SEC14L5: variants seen among roughly 807,000 people sequenced by gnomAD.
The protein encoded by SEC14L5 is SEC14 like lipid binding 5, also known as SEC14-like protein 5.
SEC14L5 carries 96 observed loss-of-function variants against 84.6 expected under a neutral mutation model. That is an observed-to-expected ratio of 1.13 (90% CI 0.96 to 1.34). The LOEUF is 1.34. Ranked by LOEUF, SEC14L5 falls within the 40% of genes most tolerant of loss-of-function variation. The probability of loss-of-function intolerance (pLI) is 0.00; values close to 1 mark genes in which losing one functional copy is unlikely to be tolerated. For missense variants in SEC14L5, 1,224 were observed against 942.5 expected (o/e 1.30, Z -3.91); for synonymous variants, 546 against 383.4 (o/e 1.42, Z -4.95).
intron 14 of SEC14L5, among the ~76,000 whole-genome samples, chr16:5,009,154 A>G (rs1392644633): frequency 6.6e-6 from 1 of 152,128 alleles, no homozygotes; most frequent in Non-Finnish European, 1.5e-5. Context: ...AACTCCTGGC[A>G]ATCCTGGGTG....
At chr16:4,991,593 C>A (rs1204672855) in intron 5 of SEC14L5, among the ~76,000 whole-genome samples, 1 of 151,892 alleles carries the variant, frequency 6.6e-6, no homozygotes. Flanking sequence ...ACAAAAACAA[C>A]CCCCAACCCA....
intron 15 of SEC14L5, among the ~76,000 whole-genome samples, chr16:5,012,604 G>C (rs1955818309): frequency 6.6e-6 from 1 of 152,198 alleles, no homozygotes; most frequent in African/African-American, 2.4e-5. Context: ...TTTCCACACT[G>C]TGAGAAAGAA....
Position 4,987,613 on chromosome 16 carries a change from G to A in SEC14L5, c.120G>A (p.Glu40=), listed in dbSNP as rs1301387570. 2 of 1,559,252 alleles carry A rather than the reference G, an allele frequency of 1.3e-6. No individual in the cohort carries two copies. Among genetic ancestry groups the A allele is most frequent in the African/African-American group, 1.4e-5 (1 of 72,482 alleles). ...CPQIPVFLGS[E]VLRESRSPDG... ...AGATCCCAGTCTTCCTGGGCAGCGA[G>A]GTCTTGCGCGAGTCCCGCAGCCCGG... The change falls in exon 3 of 16, where the codon GAG becomes GAA. Residue 40 remains glutamate (E), a synonymous_variant. Transcript: ENST00000251170.
chr16:4,975,195 G>T (rs1040059139), intron 2 of SEC14L5, among the ~76,000 whole-genome samples: 3 of 151,988 alleles, frequency 2.0e-5, no homozygotes, highest in African/African-American at 7.2e-5. Flanking sequence ...TGCTGCAAAA[G>T]ACATTATTTT....
rs1328010381 is a variant in SEC14L5 at position 4,999,402 on chromosome 16, C to G, written c.971-1253C>G. Among the ~76,000 whole-genome samples, 31 of 152,140 alleles carry G rather than the reference C, an allele frequency of 2.0e-4. 1 individual carries two copies. Among genetic ancestry groups the G allele is most frequent in the Admixed American group, 2.0e-3 (31 of 15,262 alleles). ...GGAGGATCGCTTAAGCCCAGGAGTT[C>G]GAGACCAGCCTGGGCAACATAGTGA... On this transcript the variant is annotated intron_variant, in intron 8 of 15. Coordinates refer to ENST00000251170, the MANE Select transcript of SEC14L5 (RefSeq NM_014692.2).
intron 7 of SEC14L5, 112 bp downstream of exon 7, chr16:4,996,572 T>C (rs2142512707): frequency 1.6e-6 from 1 of 630,464 alleles, no homozygotes; most frequent in East Asian, 2.8e-5. Context: ...TATCTCTTGC[T>C]TATTTATTTA....
In SEC14L5 at chr16:5,011,077, AGGGCTGAT is replaced by A; in HGVS notation, c.1801-16_1801-9del. On this transcript the variant is annotated splice_polypyrimidine_tract_variant and intron_variant, in intron 14 of 15. Coordinates refer to ENST00000251170, the MANE Select transcript of SEC14L5 (RefSeq NM_014692.2). Reference sequence around the variant, plus strand: ...TCTGGAGGGCGCAGGGCCTCAGGGCAGGGCTGATGTGTTTCAGGGCTCCCATGTGACCC... The same window carrying A: ...TCTGGAGGGCGCAGGGCCTCAGGGCAGTGTTTCAGGGCTCCCATGTGACCC... The A allele has an allele frequency of 6.3e-7, 1 of 1,579,178 alleles. No individual in the cohort carries two copies. Among genetic ancestry groups the A allele is most frequent in the African/African-American group, 1.3e-5 (1 of 74,186 alleles).
Position 5,015,006 on chromosome 16 carries a change from C to T in SEC14L5, c.*36C>T. The T allele has an allele frequency of 1.3e-6, 2 of 1,505,108 alleles. No homozygotes were observed. Among genetic ancestry groups the T allele is most frequent in the Non-Finnish European group, 1.8e-6 (2 of 1,090,216 alleles). The allele number at this position is 1,505,108 out of a possible 1,614,324, so 93.2% of individuals were successfully genotyped here. On this transcript the variant is annotated 3_prime_UTR_variant, in exon 16 of 16. Coordinates refer to ENST00000251170, the MANE Select transcript of SEC14L5 (RefSeq NM_014692.2). ...TGTTTCAGGGCCGCCCGCTCGCCTC[C>T]AGTGTCCAGAAATGTCCAGAATGAG...
intron 15 of SEC14L5, among the ~76,000 whole-genome samples, chr16:5,014,414 C>T (rs957648546): frequency 1.3e-5 from 2 of 152,216 alleles, no homozygotes; most frequent in African/African-American, 2.4e-5. Context: ...TCGAGGATGG[C>T]GCTGCCCTGA....
intron 2 of SEC14L5, among the ~76,000 whole-genome samples, chr16:4,968,723 G>A (rs1955236498): frequency 6.6e-6 from 1 of 152,220 alleles, no homozygotes; most frequent in South Asian, 2.1e-4. Flanking sequence ...TTCCTGTGGG[G>A]CTCCAAAGCC....
chr16:4,971,216 G>A (rs1955275224), intron 2 of SEC14L5, among the ~76,000 whole-genome samples: 1 of 152,188 alleles, frequency 6.6e-6, no homozygotes, highest in African/African-American at 2.4e-5. Context: ...TAGCACTTTG[G>A]AATGCTAAGG....
intron 6 of SEC14L5, 131 bp downstream of exon 6, chr16:4,992,161 C>T (rs986141719): frequency 2.3e-5 from 13 of 574,176 alleles, no homozygotes; most frequent in South Asian, 1.2e-4. Flanking sequence ...GGTCTTGGAA[C>T]GACACCGCCT....
At chr16:4,963,985 C>G (rs1955162446) in intron 2 of SEC14L5, among the ~76,000 whole-genome samples, 2 of 152,250 alleles carry the variant, frequency 1.3e-5, no homozygotes, top group South Asian at 4.1e-4. Context: ...CTGCGCTCAG[C>G]CTTCCTTTCT....
At chr16:5,009,739 A>AG (rs1568152896) in intron 14 of SEC14L5, among the ~76,000 whole-genome samples, 1 of 152,244 alleles carries the variant, frequency 6.6e-6, no homozygotes, top group East Asian at 1.9e-4. Context: ...TAACTCAAGC[A>AG]GGGGGAAGGA....
Position 5,011,224 on chromosome 16 carries a change from A to G in SEC14L5, c.1930A>G (p.Lys644Glu), listed in dbSNP as rs762212715. 6.2e-7 allele frequency: 1 copy of G among 1,613,816 alleles called. No homozygotes were observed. Among genetic ancestry groups the G allele is most frequent in the South Asian group, 1.1e-5 (1 of 91,074 alleles). The change falls in exon 15 of 16, where the codon AAG becomes GAG. Residue 644 changes from lysine (K) to glutamate (E), a missense_variant. Coordinates refer to ENST00000251170, the MANE Select transcript of SEC14L5 (RefSeq NM_014692.2). Reference protein sequence around the residue: ...VLTALHSPGPKCKLLYYCEVL... With the variant: ...VLTALHSPGPECKLLYYCEVL... The stretch of plus-strand genomic sequence containing the variant: ...GACGGCTCTGCACAGCCCCGGGCCC[A>G]AGTGCAAACTTCTCTACTACTGTGA...
chr16:5,004,697 C>G lies in SEC14L5; in HGVS notation c.1302+1124C>G, dbSNP rs139177622. The stretch of plus-strand genomic sequence containing the variant: ...CCCTGCACGGGGGGATTGCAGTTTC[C>G]TCACCTATCTCTTGGCTTGTGGCAT... On this transcript the variant is annotated intron_variant, in intron 11 of 15. Transcript: ENST00000251170. Among the ~76,000 whole-genome samples the G allele has an allele frequency of 2.6e-5, 4 of 152,300 alleles. No homozygotes were observed. The East Asian group carries it at 7.7e-4, about 29-fold the overall frequency.
intron 13 of SEC14L5, 147 bp downstream of exon 13, chr16:5,007,633 T>C (rs931916809): frequency 6.9e-6 from 5 of 721,614 alleles, no homozygotes; most frequent in South Asian, 2.0e-5. Flanking sequence ...TGGGATGGAG[T>C]CTCGCTCTGT....
chr16:5,007,555 A>T, intron 13 of SEC14L5, 69 bp downstream of exon 13: 1 of 1,347,892 alleles, frequency 7.4e-7, no homozygotes, highest in Non-Finnish European at 1.0e-6. Flanking sequence ...GGTGACCCCA[A>T]AACACAGCTT....
intron 2 of SEC14L5, among the ~76,000 whole-genome samples, chr16:4,981,241 C>A (rs1271859733): frequency 2.1e-5 from 3 of 144,262 alleles, no homozygotes; most frequent in Non-Finnish European, 4.5e-5. Context: ...TGCACCAGCA[C>A]GTCTAGCTAA....
Sources: allele counts gnomAD v4.1 joint callset (sites outside exome capture counted in the v4.1 genomes callset), GRCh38; gene constraint gnomAD v4.1.1; transcripts MANE v1.5; gene names NCBI Gene and HGNC (gene_info 2026-07-23, HGNC 2026-07-21).